The following HIBADH variants were observed in gnomAD, a reference collection of about 807,000 sequenced individuals.
HIBADH encodes 3-hydroxyisobutyrate dehydrogenase.
Under a neutral mutation model 36.1 loss-of-function variants are expected in HIBADH, and 25 were observed. The ratio of observed to expected loss-of-function variants is 0.69; its 90% CI spans 0.50 to 0.97. HIBADH has a LOEUF of 0.97. Among genes scored for constraint, HIBADH ranks in the 50% least tolerant of loss-of-function variants. The pLI, the probability that HIBADH is intolerant of heterozygous loss-of-function variation, is 0.00. For synonymous variants in HIBADH, 160 were observed against 149.5 expected, an observed-to-expected ratio of 1.07 and a Z score of -0.51; for missense variants, 421 against 418.0, an observed-to-expected ratio of 1.01 and a Z score of -0.06.
chr7:27,581,442 C>G (rs1784787545), intron 4 of HIBADH, among the ~76,000 whole-genome samples: 2 of 152,160 alleles, frequency 1.3e-5, no homozygotes, highest in Admixed American at 6.5e-5. Context: ...TTATCTACAA[C>G]AGGTACTGCC....
At chr7:27,625,982 ATCTCAGCT>A (rs1554299811) in intron 4 of HIBADH, among the ~76,000 whole-genome samples, 1 of 151,708 alleles carries the variant, frequency 6.6e-6, no homozygotes, top group Non-Finnish European at 1.5e-5. Context: ...GGCGCCTGTA[ATCTCAGCT>A]ACTCGGGAGG....
chr7:27,619,988 A>G (rs1354448471), intron 4 of HIBADH, among the ~76,000 whole-genome samples: 15 of 152,210 alleles, frequency 9.9e-5, no homozygotes, highest in Admixed American at 9.8e-4. Context: ...ATACAATGCT[A>G]AAAGATCTTC....
At chr7:27,630,474 A>G (rs892558033) in intron 3 of HIBADH, among the ~76,000 whole-genome samples, 1 of 152,140 alleles carries the variant, frequency 6.6e-6, no homozygotes, top group Non-Finnish European at 1.5e-5. Flanking sequence ...AGATATACTA[A>G]CCCAGAGGGC....
chr7:27,559,963 G>A (rs865974876), intron 4 of HIBADH, among the ~76,000 whole-genome samples: 1 of 152,126 alleles, frequency 6.6e-6, no homozygotes, highest in African/African-American at 2.4e-5. Context: ...TGTATTCACT[G>A]ATATATAATA....
chr7:27,639,467 T>A (rs936796858), intron 2 of HIBADH, among the ~76,000 whole-genome samples: 3 of 151,908 alleles, frequency 2.0e-5, no homozygotes, highest in African/African-American at 7.3e-5. Context: ...AGGGTGAGGA[T>A]CAAAAAACTA....
intron 4 of HIBADH, among the ~76,000 whole-genome samples, chr7:27,624,320 A>G (rs1319643784): frequency 1.3e-5 from 2 of 152,258 alleles, no homozygotes; most frequent in East Asian, 3.8e-4. Flanking sequence ...CCAAGGCTAT[A>G]GTAATGTTAA....
intron 4 of HIBADH, among the ~76,000 whole-genome samples, chr7:27,619,651 AG>A (rs142332328): frequency 0.033 from 5,081 of 152,244 alleles, 257 homozygotes; most frequent in African/African-American, 0.12. Flanking sequence ...CTGGAACTAA[AG>A]AACTTATTGG....
At chr7:27,570,268 T>C (rs1562625289) in intron 4 of HIBADH, among the ~76,000 whole-genome samples, 1 of 152,222 alleles carries the variant, frequency 6.6e-6, no homozygotes, top group Non-Finnish European at 1.5e-5. Flanking sequence ...TTACTTCATC[T>C]TAACCACAAC....
intron 4 of HIBADH, among the ~76,000 whole-genome samples, chr7:27,608,007 A>T (rs76486332): frequency 0.024 from 3,639 of 152,302 alleles, 128 homozygotes; most frequent in African/African-American, 0.083. Context: ...AATGAAATGT[A>T]ATTAATGATA....
intron 4 of HIBADH, among the ~76,000 whole-genome samples, chr7:27,627,731 G>T (rs1222228011): frequency 1.3e-5 from 2 of 152,102 alleles, no homozygotes; most frequent in Non-Finnish European, 2.9e-5. Flanking sequence ...TAATGATCAT[G>T]TGTCAACCAA....
chr7:27,618,942 A>G (rs1052790712), intron 4 of HIBADH, among the ~76,000 whole-genome samples: 2 of 152,206 alleles, frequency 1.3e-5, no homozygotes, highest in African/African-American at 4.8e-5. Flanking sequence ...TTAAACTTTC[A>G]TAAGAAATCT....
intron 4 of HIBADH, among the ~76,000 whole-genome samples, chr7:27,578,798 A>C (rs986662202): frequency 1.3e-5 from 2 of 152,112 alleles, no homozygotes; most frequent in Non-Finnish European, 2.9e-5. Flanking sequence ...AGAGGTTAGG[A>C]CTCTAAGAAA....
chr7:27,617,065 T>TG (rs1785444482), intron 4 of HIBADH, among the ~76,000 whole-genome samples: 1 of 138,290 alleles, frequency 7.2e-6, no homozygotes, highest in African/African-American at 2.7e-5. Flanking sequence ...AGTAATGTCC[T>TG]GGGCCTTCAC....
chr7:27,624,591 C>T (rs1376550780), intron 4 of HIBADH, among the ~76,000 whole-genome samples: 1 of 152,208 alleles, frequency 6.6e-6, no homozygotes, highest in East Asian at 1.9e-4. Flanking sequence ...GAATGTTCAT[C>T]TGCTGCTTAG....
intron 4 of HIBADH, among the ~76,000 whole-genome samples, chr7:27,579,949 C>T (rs1009528818): frequency 3.3e-5 from 5 of 152,138 alleles, no homozygotes; most frequent in Non-Finnish European, 5.9e-5. Flanking sequence ...CAAGAAAATC[C>T]ATAGTACTTG....
chr7:27,608,262 A>G (rs145710371), intron 4 of HIBADH, among the ~76,000 whole-genome samples: 1,922 of 152,280 alleles, frequency 0.013, 14 homozygotes, highest in Admixed American at 0.02. Context: ...ACAATCTTCT[A>G]CCTTCAGGTC....
At chr7:27,594,400 C>A (rs1272897452) in intron 4 of HIBADH, among the ~76,000 whole-genome samples, 2 of 152,070 alleles carry the variant, frequency 1.3e-5, no homozygotes, top group African/African-American at 4.8e-5. Flanking sequence ...GCCTTGGCCT[C>A]CCAAAGTGCT....
At chr7:27,578,401 C>T (rs1784745813) in intron 4 of HIBADH, among the ~76,000 whole-genome samples, 4 of 151,908 alleles carry the variant, frequency 2.6e-5, no homozygotes, top group Admixed American at 2.6e-4. Flanking sequence ...CTGCAACCTC[C>T]GCCTCCCAGG....
chr7:27,570,338 T>C (rs1784611081), intron 4 of HIBADH, among the ~76,000 whole-genome samples: 1 of 152,214 alleles, frequency 6.6e-6, no homozygotes. Context: ...CAGTTACTTG[T>C]ATTTTGATGA....
Sources: gnomAD v4.1 joint callset for allele counts (sites outside exome capture counted in the v4.1 genomes callset) on GRCh38, gnomAD v4.1.1 for gene constraint, MANE v1.5 for transcripts, NCBI Gene and HGNC (gene_info 2026-07-23, HGNC 2026-07-21) for gene names.